The following HOXA3 variants were observed in gnomAD, a reference collection of about 807,000 sequenced individuals.
The protein encoded by HOXA3 is homeobox protein Hox-A3.
A neutral mutation model predicts 30.3 loss-of-function variants in HOXA3; 8 were observed. The ratio of observed to expected loss-of-function variants is 0.26; its 90% CI spans 0.15 to 0.48. HOXA3 has a LOEUF of 0.48. HOXA3 is among the 20% of genes least tolerant of loss of function. The pLI, the probability that HOXA3 is intolerant of heterozygous loss-of-function variation, is 0.99. For synonymous variants in HOXA3, 323 were observed against 273.1 expected, an observed-to-expected ratio of 1.18 and a Z score of -1.80; for missense variants, 653 against 614.4, an observed-to-expected ratio of 1.06 and a Z score of -0.66.
chr7:27,137,348 T>G (rs1253564244), intron 2 of HOXA3, among the ~76,000 whole-genome samples: 4 of 152,172 alleles, frequency 2.6e-5, no homozygotes, highest in Non-Finnish European at 4.4e-5. Context: ...AAGCTTCCTG[T>G]TGTATTTATA....
At chr7:27,128,919 A>T (rs2128053619) in intron 2 of HOXA3, 1 of 426,942 alleles carries the variant, frequency 2.3e-6, no homozygotes, top group South Asian at 2.6e-5. Context: ...CAGCTAGCTG[A>T]CTGTAGCCAT....
At chr7:27,147,062 C>T (rs1259052048) in intron 1 of HOXA3, 1 of 564,442 alleles carries the variant, frequency 1.8e-6, no homozygotes, top group Non-Finnish European at 3.1e-6. Context: ...ATATACGTGC[C>T]AGTGCCCCCA....
chr7:27,117,779 A>C (rs1208384317), intron 4 of HOXA3, among the ~76,000 whole-genome samples: 1 of 150,686 alleles, frequency 6.6e-6, no homozygotes, highest in East Asian at 2.0e-4. Context: ...CTCCCAGGCA[A>C]TCTAGCCCTG....
chr7:27,110,274 A>G lies in HOXA3; in HGVS notation c.367T>C (p.Ser123Pro), dbSNP rs1583417022. 2 of 1,282,570 alleles carry G rather than the reference A, an allele frequency of 1.6e-6. No individual in the cohort carries two copies. The highest frequency in any genetic ancestry group is 2.0e-6 in the Non-Finnish European group (2 of 998,706). 79.4% of individuals were successfully genotyped at this position (1,282,570 alleles called of 1,614,324 possible). ...APTPAAPPPP[S>P]SASPPQNASN... ...GCATTCTGAGGAGGGGAGGCAGAAG[A>G]GGGAGGCGGGGGCGCGGCAGGGGTA... is the stretch of plus-strand genomic sequence containing the variant. Residue 123 changes from serine to proline, a missense_variant, in exon 5 of 6, where the codon TCT becomes CCT. By Grantham distance (74) the Ser-to-Pro change is moderately conservative. Coordinates refer to ENST00000612286, the MANE Select transcript of HOXA3 (RefSeq NM_153631.3).
intron 1 of HOXA3, among the ~76,000 whole-genome samples, 185 bp downstream of exon 1, chr7:27,152,103 C>T (rs112300203): frequency 8.1e-5 from 3 of 37,190 alleles, no homozygotes; most frequent in African/African-American, 1.1e-4. Context: ...TGCGTGCGCG[C>T]GTGTGTGCCT....
intron 1 of HOXA3, among the ~76,000 whole-genome samples, chr7:27,146,601 C>T (rs1218176294): frequency 6.6e-6 from 1 of 152,122 alleles, no homozygotes; most frequent in Non-Finnish European, 1.5e-5. Flanking sequence ...AGAGATGGAG[C>T]TATAGGTAGT....
At chr7:27,142,967 A>C in intron 1 of HOXA3, 1 of 1,285,166 alleles carries the variant, frequency 7.8e-7, no homozygotes, top group Non-Finnish European at 1.1e-6. Context: ...AGAGACTGGG[A>C]GAGGGCGGCA....
In HOXA3 at chr7:27,110,660, GATCGCAC is replaced by G; in HGVS notation, c.-27_-21del. 1 of 1,596,596 alleles carries G rather than the reference GATCGCAC, an allele frequency of 6.3e-7. No individual in the cohort carries two copies. The highest frequency in any genetic ancestry group is 8.6e-7 in the Non-Finnish European group (1 of 1,166,216). On this transcript the variant is annotated 5_prime_UTR_variant, in exon 5 of 6. It introduces an in-frame stop codon into an upstream open reading frame of the 5' UTR. Coordinates refer to ENST00000612286, the MANE Select transcript of HOXA3 (RefSeq NM_153631.3). ...TTGCATCGCGTTGTTTCACGATCTTGATCGCACACTCTGACAGGGGTTTGACACCCGT... is the reference window on the plus strand; with the variant it reads ...TTGCATCGCGTTGTTTCACGATCTTGACTCTGACAGGGGTTTGACACCCGT...
At chr7:27,142,805 C>T in intron 1 of HOXA3, 1 of 456,576 alleles carries the variant, frequency 2.2e-6, no homozygotes, top group Admixed American at 4.2e-5. Flanking sequence ...TTTGCTTCCT[C>T]CCCCTTCCAA....
chr7:27,130,081 G>A (rs1380877556), intron 2 of HOXA3: 2 of 1,555,422 alleles, frequency 1.3e-6, no homozygotes, highest in Non-Finnish European at 1.7e-6. Context: ...GCCCAGCCCC[G>A]GCCCACCTCC....
Position 27,113,782 on chromosome 7 carries a change from G to C in HOXA3, c.-120-3022C>G, listed in dbSNP as rs1784513417. The C allele has an allele frequency of 6.6e-6, 1 of 152,228 alleles. No individual in the cohort carries two copies. Among genetic ancestry groups the C allele is most frequent in the South Asian group, 2.1e-4 (1 of 4,828 alleles). The allele number at this position is 152,228 out of a possible 1,614,324, so 9.4% of individuals were successfully genotyped here. On this transcript the variant is annotated intron_variant, in intron 4 of 5. Coordinates refer to ENST00000612286, the MANE Select transcript of HOXA3 (RefSeq NM_153631.3). This position sits in a 1 kb window ranked among gnomAD's most constrained non-coding sequence, Gnocchi z 4.8. Reference sequence around the variant, plus strand: ...GGCGGGCTGGAGACCCCGAGGCCCGGTCACCGCCGCGCAGAGCGTGGCCGC... The same window carrying C: ...GGCGGGCTGGAGACCCCGAGGCCCGCTCACCGCCGCGCAGAGCGTGGCCGC...
chr7:27,129,827 G>A, intron 2 of HOXA3: 1 of 607,790 alleles, frequency 1.6e-6, no homozygotes, highest in Admixed American at 2.9e-5. Context: ...AAGACACATG[G>A]CCTGAAGCCT....
chr7:27,110,291 G>A lies in HOXA3; in HGVS notation c.350C>T (p.Ala117Val), dbSNP rs1445374925. The change falls in exon 5 of 6, where the codon GCC (alanine) becomes GTC (valine). Residue 117 changes from alanine (A) to valine (V), a missense_variant. Ala to Val is a moderately conservative substitution (Grantham distance 64, BLOSUM62 0). This residue lies in a region of HOXA3 where 320 missense variants were observed against 321.9 expected (regional missense o/e 0.99). Coordinates refer to ENST00000612286, the MANE Select transcript of HOXA3 (RefSeq NM_153631.3). ...PAPQPPAPTPAAPPPPSSASP... is the reference protein window; with the variant it reads ...PAPQPPAPTPVAPPPPSSASP... Reference sequence around the variant, plus strand: ...GGCAGAAGAGGGAGGCGGGGGCGCGGCAGGGGTAGGTGCAGGGGGCTGAGG... The same window carrying A: ...GGCAGAAGAGGGAGGCGGGGGCGCGACAGGGGTAGGTGCAGGGGGCTGAGG... 6.3e-7 allele frequency: 1 copy of A among 1,593,574 alleles called. No individual in the cohort carries two copies. Among genetic ancestry groups the A allele is most frequent in the Non-Finnish European group, 8.5e-7 (1 of 1,170,578 alleles).
intron 2 of HOXA3, among the ~76,000 whole-genome samples, chr7:27,132,078 C>T (rs1376337756): frequency 6.6e-6 from 1 of 152,206 alleles, no homozygotes; most frequent in Admixed American, 6.5e-5. Flanking sequence ...CTTATTTGTG[C>T]TGTGTGCTTT....
At position 27,108,735 on chromosome 7, in the gene HOXA3, A is replaced by G. The variant is rs1480672687; in HGVS notation, c.527-15T>C. ...GCAGCTTTCGCCTGCGAGGACAGAGAGAGGAAGAGCGGCGTCAGGGGCTGC... is the reference window on the plus strand; with the variant it reads ...GCAGCTTTCGCCTGCGAGGACAGAGGGAGGAAGAGCGGCGTCAGGGGCTGC... On this transcript the variant is annotated splice_polypyrimidine_tract_variant and intron_variant, in intron 5 of 5. Transcript: ENST00000612286. This position sits in a 1 kb window ranked among gnomAD's most constrained non-coding sequence, Gnocchi z 5.0. The G allele has an allele frequency of 6.4e-7, 1 of 1,572,850 alleles. No individual in the cohort carries two copies. Among genetic ancestry groups the G allele is most frequent in the South Asian group, 1.2e-5 (1 of 86,336 alleles).
At chr7:27,130,312 G>GGCGGCTGGGGCT in intron 2 of HOXA3, 6 of 1,083,160 alleles carry the variant, frequency 5.5e-6, no homozygotes, top group Non-Finnish European at 4.5e-6. Context: ...CAGGGGCGGC[G>GGCGGCTGGGGCT]GCAGCTGGGG....
At chr7:27,115,808 G>A (rs1784693183) in intron 4 of HOXA3, 1 of 152,334 alleles carries the variant, frequency 6.6e-6, no homozygotes. Context: ...GGCCTCAGCG[G>A]GCAGAAGTGG....
At chr7:27,141,272 A>T (rs1280931638) in intron 1 of HOXA3, 1 of 153,180 alleles carries the variant, frequency 6.5e-6, no homozygotes, top group East Asian at 1.9e-4. Flanking sequence ...AAAGGCACGC[A>T]GGGACACACC....
intron 2 of HOXA3, chr7:27,128,317 C>T (rs1305514470): frequency 6.6e-6 from 1 of 152,244 alleles, no homozygotes; most frequent in Non-Finnish European, 1.5e-5. Context: ...AACTTTTCCA[C>T]AGTAGGCCAA....
Sources: gnomAD v4.1 joint callset for allele counts (sites outside exome capture counted in the v4.1 genomes callset) on GRCh38, gnomAD v4.1.1 for gene constraint, gnomAD v4.1.1 regional missense constraint, Gnocchi (gnomAD v3.1) non-coding constraint, MANE v1.5 for transcripts, NCBI Gene and HGNC (gene_info 2026-07-23, HGNC 2026-07-21) for gene names.